Variants in PXN observed in about 807,000 individuals in gnomAD.
PXN encodes the protein paxillin, also known as testicular tissue protein Li 134.
In PXN, 61 loss-of-function variants were observed where a neutral mutation model predicts 103.6. The observed-to-expected ratio is 0.59, with a 90% CI of 0.48 to 0.73. The LOEUF is 0.73. Ranked by LOEUF, PXN falls within the 30% of genes least tolerant of loss-of-function variation. The pLI is 0.00. For missense variants in PXN, 1,274 were observed against 1,460.3 expected (o/e 0.87, Z 2.08); for synonymous variants, 562 against 607.8 (o/e 0.92, Z 1.11).
At position 120,223,716 on chromosome 12, in the gene PXN, AC is replaced by A; in HGVS notation, c.356+1del. On this transcript the variant is annotated splice_donor_variant, in intron 3 of 14. Coordinates refer to ENST00000637617, the MANE Select transcript of PXN (RefSeq NM_001385981.1). LOFTEE classifies it high-confidence loss of function. ...GGTGCCCTGGGCAGACTGGGGCAGTACCTGTAGACGTGCTCCTCCTCACCCA... is the reference window on the plus strand; with the variant it reads ...GGTGCCCTGGGCAGACTGGGGCAGTACTGTAGACGTGCTCCTCCTCACCCA... 6.4e-7 allele frequency: 1 copy of A among 1,574,564 alleles called. No homozygotes were observed. The highest frequency in any genetic ancestry group is 1.2e-5 in the South Asian group (1 of 86,280).
intron 1 of PXN, among the ~76,000 whole-genome samples, chr12:120,234,326 T>A (rs1206537226): frequency 2.0e-5 from 3 of 152,064 alleles, no homozygotes; most frequent in Non-Finnish European, 4.4e-5. Flanking sequence ...GGAGAATGGC[T>A]TAAACCCAGG....
chr12:120,245,219 C>G (rs1308367058), intron 1 of PXN, among the ~76,000 whole-genome samples: 4 of 152,164 alleles, frequency 2.6e-5, no homozygotes, highest in Admixed American at 6.5e-5. Flanking sequence ...GCGATTTTCT[C>G]AAACGTGCAC....
intron 1 of PXN, among the ~76,000 whole-genome samples, chr12:120,254,826 G>C (rs1892749297): frequency 6.6e-6 from 1 of 152,220 alleles, no homozygotes; most frequent in Non-Finnish European, 1.5e-5. Context: ...TGGGATTACA[G>C]GTGTGAGCCA....
rs901432746 is a variant in PXN, at chr12:120,222,427, T to C, written c.695+122A>G. 1 of 1,139,928 alleles carries C rather than the reference T, an allele frequency of 8.8e-7. No homozygotes were observed. Among genetic ancestry groups the C allele is most frequent in the African/African-American group, 1.6e-5 (1 of 63,694 alleles). The allele number at this position is 1,139,928 out of a possible 1,614,324, so 70.6% of individuals were successfully genotyped here. ...ATGTGACTCACCACTATCCCCCCAG[T>C]GCCTGGCAAATGGCAGACACGGGAG... On this transcript the variant is annotated intron_variant, in intron 5 of 14. Transcript: ENST00000637617. The surrounding 1 kb of genome is among the most constrained non-coding windows in gnomAD (Gnocchi z 4.7).
intron 1 of PXN, among the ~76,000 whole-genome samples, chr12:120,245,866 AC>A: frequency 6.6e-6 from 1 of 152,156 alleles, no homozygotes; most frequent in Non-Finnish European, 1.5e-5. Flanking sequence ...ACTACATAGT[AC>A]GGGTTTCATA....
In PXN at chr12:120,217,126, G is replaced by C. The variant is rs1566366855; in HGVS notation, c.1717-10C>G. The C allele has an allele frequency of 1.9e-6, 3 of 1,573,578 alleles. No individual in the cohort carries two copies. The highest frequency in any genetic ancestry group is 1.1e-5 in the South Asian group (1 of 87,124). On this transcript the variant is annotated splice_polypyrimidine_tract_variant and intron_variant, in intron 7 of 14. Coordinates refer to ENST00000637617, the MANE Select transcript of PXN (RefSeq NM_001385981.1). The surrounding 1 kb of genome is among the most constrained non-coding windows in gnomAD (Gnocchi z 4.1). The stretch of plus-strand genomic sequence containing the variant: ...TGATCACAGATCGGATCTAGGGGGA[G>C]GGGGAGGGGAGGCTGTCACCGTCCC...
In PXN at chr12:120,216,182, A is replaced by ATGTG; in HGVS notation, c.2301+87_2301+90dup. 2.4e-6 allele frequency: 3 copies of ATGTG among 1,274,352 alleles called. No individual in the cohort carries two copies. Among genetic ancestry groups the ATGTG allele is most frequent in the Non-Finnish European group, 3.0e-6 (3 of 1,013,390 alleles). The allele number at this position is 1,274,352 out of a possible 1,614,324, so 78.9% of individuals were successfully genotyped here. ...ATGGAGGGATGGAGGGTATCTGTGT[A>ATGTG]TGTGTGTGTGCACGTGTGTGTGTGC... On this transcript the variant is annotated intron_variant, in intron 9 of 14. Transcript: ENST00000637617. The surrounding 1 kb of genome is among the most constrained non-coding windows in gnomAD (Gnocchi z 5.1).
intron 1 of PXN, among the ~76,000 whole-genome samples, chr12:120,262,645 T>C (rs1037395364): frequency 2.6e-5 from 4 of 152,274 alleles, no homozygotes; most frequent in Admixed American, 6.5e-5. Context: ...CACATGATCA[T>C]GATTAGACCA....
At position 120,211,626 on chromosome 12, in the gene PXN, C is replaced by T; in HGVS notation, c.*688G>A. 2 of 288,132 alleles carry T rather than the reference C, an allele frequency of 6.9e-6. No homozygotes were observed. The highest frequency in any genetic ancestry group is 3.4e-5 in the South Asian group (1 of 29,428). 17.8% of individuals were successfully genotyped at this position (288,132 alleles called of 1,614,324 possible). On this transcript the variant is annotated 3_prime_UTR_variant, in exon 15 of 15. Transcript: ENST00000637617. Reference sequence around the variant, plus strand: ...AATCTATCAAAGTCGGTACAGTGTCCAGGCACGCCGTCCCGGAGACGGAGG... The same window carrying T: ...AATCTATCAAAGTCGGTACAGTGTCTAGGCACGCCGTCCCGGAGACGGAGG...
chr12:120,216,694 G>T lies in PXN; in HGVS notation c.1993-113C>A, dbSNP rs572970763. ...GGCCTTCCCACTCTGCACCAAGAGT[G>T]GGGCCAGTCTTCCAAAGTCACAGGA... On this transcript the variant is annotated intron_variant, in intron 8 of 14. Transcript: ENST00000637617. This position sits in a 1 kb window ranked among gnomAD's most constrained non-coding sequence, Gnocchi z 5.1. 6.3e-7 allele frequency: 1 copy of T among 1,591,996 alleles called. No individual in the cohort carries two copies. The highest frequency in any genetic ancestry group is 8.5e-7 in the Non-Finnish European group (1 of 1,177,820).
chr12:120,219,587 G>A lies in PXN; in HGVS notation c.1336C>T (p.Pro446Ser), dbSNP rs1184657259. Residue 446 changes from proline (P) to serine (S), a missense_variant, in exon 7 of 15, where the codon CCT becomes TCT. Pro to Ser is a moderately conservative substitution (Grantham distance 74, BLOSUM62 -1). Coordinates refer to ENST00000637617, the MANE Select transcript of PXN (RefSeq NM_001385981.1). The surrounding 1 kb of genome is among the most constrained non-coding windows in gnomAD (Gnocchi z 6.5). ...EQPWASEVFG[P>S]ERMPPSGAAR... is the part of the protein sequence containing the mutation. ...GCTCCAGAGGGGGGCATTCTCTCAG[G>A]CCCGAATACCTCCGAAGCCCATGGC... is the stretch of plus-strand genomic sequence containing the variant. The A allele has an allele frequency of 3.2e-6, 5 of 1,567,806 alleles. No homozygotes were observed. Among genetic ancestry groups the A allele is most frequent in the Non-Finnish European group, 4.3e-6 (5 of 1,164,274 alleles).
chr12:120,252,084 T>G (rs1228582338), intron 1 of PXN, among the ~76,000 whole-genome samples: 1 of 152,098 alleles, frequency 6.6e-6, no homozygotes, highest in Non-Finnish European at 1.5e-5. Flanking sequence ...GTGGCTGATG[T>G]CAGAGGCTGG....
intron 1 of PXN, among the ~76,000 whole-genome samples, chr12:120,246,222 A>C (rs959115850): frequency 6.6e-6 from 1 of 150,522 alleles, no homozygotes; most frequent in African/African-American, 2.4e-5. Flanking sequence ...TTCCGTCTCT[A>C]CAAAAATAAA....
rs774547634 is a variant in PXN at position 120,216,990 on chromosome 12, C to T, written c.1843G>A (p.Ala615Thr). Residue 615 changes from alanine (A) to threonine (T), a missense_variant, in exon 8 of 15, where the codon GCG becomes ACG. Physicochemically the swap from Ala to Thr is moderately conservative, Grantham distance 58. Around this residue, in one of 2 missense-constraint regions of PXN, gnomAD observed 1,178 missense variants for 1,309.0 expected, o/e 0.90. Coordinates refer to ENST00000637617, the MANE Select transcript of PXN (RefSeq NM_001385981.1). The surrounding 1 kb of genome is among the most constrained non-coding windows in gnomAD (Gnocchi z 5.1). ...SRTPSQEQLI[A>T]ELQGRLGIQP... ...ATGCCCAGCCGCCCCTGCAGCTCCGCGATGAGCTGTTCCTGGGATGGGGTC... is the reference window on the plus strand; with the variant it reads ...ATGCCCAGCCGCCCCTGCAGCTCCGTGATGAGCTGTTCCTGGGATGGGGTC... 6 of 1,557,440 alleles carry T rather than the reference C, an allele frequency of 3.9e-6. No homozygotes were observed. Among genetic ancestry groups the T allele is most frequent in the South Asian group, 2.3e-5 (2 of 85,874 alleles).
In PXN at chr12:120,224,635, T is replaced by C. The variant is rs1451938837; in HGVS notation, c.14-258A>G. On this transcript the variant is annotated intron_variant, in intron 1 of 14. Coordinates refer to ENST00000637617, the MANE Select transcript of PXN (RefSeq NM_001385981.1). The surrounding 1 kb of genome is among the most constrained non-coding windows in gnomAD (Gnocchi z 5.0). ...CGGGCTCTGGGGCTGCCCTGTGGGA[T>C]CTCCTACCTCTGGGAGTCAGGCACC... The C allele has an allele frequency of 5.6e-5, 38 of 672,576 alleles. No homozygotes were observed. In the East Asian group the frequency reaches 1.0e-3, roughly 18 times the overall value. 41.7% of individuals were successfully genotyped at this position (672,576 alleles called of 1,614,324 possible). A position where few individuals can be genotyped will look rare whatever the true frequency, so the allele number is the denominator to read the frequency against.
intron 1 of PXN, among the ~76,000 whole-genome samples, chr12:120,237,171 A>ACACG (rs957214469): frequency 1.3e-5 from 2 of 150,098 alleles, no homozygotes; most frequent in East Asian, 2.1e-4. Flanking sequence ...ACACACACAC[A>ACACG]CACACACACA....
At chr12:120,231,218 A>G (rs1181857765) in intron 1 of PXN, among the ~76,000 whole-genome samples, 1 of 152,178 alleles carries the variant, frequency 6.6e-6, no homozygotes, top group African/African-American at 2.4e-5. Flanking sequence ...TCCTAGTAGC[A>G]TGCTCTGAGG....
At chr12:120,243,666 C>T (rs1264545681) in intron 1 of PXN, among the ~76,000 whole-genome samples, 1 of 152,218 alleles carries the variant, frequency 6.6e-6, no homozygotes, top group Non-Finnish European at 1.5e-5. Flanking sequence ...GCACTCCAGC[C>T]TGGGCAACAG....
At chr12:120,223,084 C>A in intron 3 of PXN, 85 bp from the exon 4 acceptor site, 1 of 1,604,974 alleles carries the variant, frequency 6.2e-7, no homozygotes. Flanking sequence ...CCAAGGAGAA[C>A]AAGGCAGAGG....
Sources: gnomAD v4.1 joint callset for allele counts (sites outside exome capture counted in the v4.1 genomes callset) on GRCh38, gnomAD v4.1.1 for gene constraint, gnomAD v4.1.1 regional missense constraint, Gnocchi (gnomAD v3.1) non-coding constraint, MANE v1.5 for transcripts, NCBI Gene and HGNC (gene_info 2026-07-23, HGNC 2026-07-21) for gene names.